Variants in STK32B observed in about 807,000 individuals in gnomAD.
STK32B encodes the protein serine/threonine-protein kinase 32B.
A neutral mutation model predicts 52.6 loss-of-function variants in STK32B; 43 were observed. That is an observed-to-expected ratio of 0.82 (90% CI 0.64 to 1.05). The LOEUF is 1.05. Among genes scored for constraint, STK32B ranks in the 50% least tolerant of loss-of-function variants. The pLI is 0.00. For missense variants in STK32B, 621 were observed against 534.6 expected, an observed-to-expected ratio of 1.16 and a Z score of -1.59; for synonymous variants, 238 against 204.3, an observed-to-expected ratio of 1.17 and a Z score of -1.41.
intron 3 of STK32B, among the ~76,000 whole-genome samples, chr4:5,297,612 T>C (rs1729286532): frequency 6.6e-6 from 1 of 151,408 alleles, no homozygotes; most frequent in Admixed American, 6.6e-5. Context: ...TGCTGTGTTT[T>C]TCAGCTCTGT....
chr4:5,239,988 T>C (rs1171171201), intron 3 of STK32B, among the ~76,000 whole-genome samples: 2 of 152,114 alleles, frequency 1.3e-5, no homozygotes, highest in Admixed American at 1.3e-4. Flanking sequence ...AAATTAACTG[T>C]ACCTGACTAT....
chr4:5,315,623 G>C (rs1043278418), intron 3 of STK32B, among the ~76,000 whole-genome samples: 2 of 151,572 alleles, frequency 1.3e-5, no homozygotes, highest in Non-Finnish European at 2.9e-5. Flanking sequence ...GGAAAGAGTA[G>C]ATGAAGGAAG....
In STK32B at chr4:5,399,123, A is replaced by T. The variant is rs1413329977; in HGVS notation, c.472+879A>T. Reference sequence around the variant, plus strand: ...TGACAATCAATTGTGGCTGATGCCAACAGGAGACTTACAGCCTTCAAAACT... The same window carrying T: ...TGACAATCAATTGTGGCTGATGCCATCAGGAGACTTACAGCCTTCAAAACT... On this transcript the variant is annotated intron_variant, in intron 5 of 11. Coordinates refer to ENST00000282908, the MANE Select transcript of STK32B (RefSeq NM_018401.3). This position sits in a 1 kb window ranked among gnomAD's most constrained non-coding sequence, Gnocchi z 5.4. 6.6e-6 allele frequency among the ~76,000 whole-genome samples: 1 copy of T among 152,222 alleles called. No homozygotes were observed. Among genetic ancestry groups the T allele is most frequent in the Non-Finnish European group, 1.5e-5 (1 of 68,050 alleles).
At chr4:5,447,271 C>G (rs992994546) in intron 7 of STK32B, 1 of 153,480 alleles carries the variant, frequency 6.5e-6, no homozygotes, top group African/African-American at 2.4e-5. Context: ...AATTTACAAG[C>G]TGAAGATGAT....
intron 3 of STK32B, among the ~76,000 whole-genome samples, chr4:5,260,966 G>C (rs913467511): frequency 1.4e-4 from 22 of 152,220 alleles, no homozygotes; most frequent in African/African-American, 4.3e-4. Flanking sequence ...TGAGGTGAGA[G>C]GGCCAGGCCT....
At chr4:5,187,713 A>C (rs1720858786) in intron 3 of STK32B, among the ~76,000 whole-genome samples, 1 of 152,192 alleles carries the variant, frequency 6.6e-6, no homozygotes, top group African/African-American at 2.4e-5. Context: ...GGTGTCAGCC[A>C]GCCTGCAACA....
intron 3 of STK32B, among the ~76,000 whole-genome samples, chr4:5,260,759 G>A (rs1726658756): frequency 6.6e-6 from 1 of 152,166 alleles, no homozygotes; most frequent in South Asian, 2.1e-4. Flanking sequence ...ACTCTGACAT[G>A]GAAGTTAGCA....
At chr4:5,180,727 C>CT (rs1414900553) in intron 3 of STK32B, among the ~76,000 whole-genome samples, 3 of 152,168 alleles carry the variant, frequency 2.0e-5, no homozygotes, top group Non-Finnish European at 4.4e-5. Context: ...TTATTGCAGC[C>CT]TTGGAAACCC....
chr4:5,177,378 T>G (rs748006032), intron 3 of STK32B, among the ~76,000 whole-genome samples: 4 of 152,178 alleles, frequency 2.6e-5, no homozygotes, highest in Non-Finnish European at 5.9e-5. Flanking sequence ...CCTCATGATT[T>G]AATTGCCTCC....
intron 3 of STK32B, among the ~76,000 whole-genome samples, chr4:5,254,293 G>C (rs1246531326): frequency 1.3e-5 from 2 of 151,528 alleles, no homozygotes; most frequent in Non-Finnish European, 2.9e-5. Context: ...TTCTTTATCA[G>C]TGTTACTGTG....
chr4:5,055,925 G>T (rs945347718), intron 1 of STK32B, among the ~76,000 whole-genome samples: 1 of 151,442 alleles, frequency 6.6e-6, no homozygotes, highest in African/African-American at 2.4e-5. Context: ...TTATTTTCTT[G>T]GTTATTGTCT....
rs369572115 is a variant in STK32B, at chr4:5,460,130, G to A, written c.811G>A (p.Val271Met). The change falls in exon 9 of 12, where the codon GTG becomes ATG. Residue 271 changes from valine to methionine, a missense_variant. Physicochemically the swap from Val to Met is conservative, Grantham distance 21. Transcript: ENST00000282908. The surrounding 1 kb of genome is among the most constrained non-coding windows in gnomAD (Gnocchi z 4.8). ...KLLTKDPESR[V>M]SSLHDIQSVP... Reference sequence around the variant, plus strand: ...CCTGACCAAGGATCCTGAGAGCCGCGTGTCCAGCCTTCATGACATACAGAG... The same window carrying A: ...CCTGACCAAGGATCCTGAGAGCCGCATGTCCAGCCTTCATGACATACAGAG... 3.3e-5 allele frequency: 54 copies of A among 1,614,086 alleles called. 1 individual carries two copies. Among genetic ancestry groups the A allele is most frequent in the South Asian group, 1.6e-4 (15 of 91,086 alleles).
chr4:5,458,343 AG>A (rs1359883641), intron 8 of STK32B, among the ~76,000 whole-genome samples: 1 of 152,200 alleles, frequency 6.6e-6, no homozygotes, highest in Non-Finnish European at 1.5e-5. Flanking sequence ...TGATGACAAT[AG>A]CAGCCAGCAC....
chr4:5,425,416 A>T (rs1404733668), intron 6 of STK32B, among the ~76,000 whole-genome samples: 1 of 152,198 alleles, frequency 6.6e-6, no homozygotes, highest in African/African-American at 2.4e-5. Context: ...ATTTGGCCCT[A>T]GGTCAGTGAG....
At chr4:5,419,346 C>A (rs1376484349) in intron 6 of STK32B, among the ~76,000 whole-genome samples, 3 of 152,272 alleles carry the variant, frequency 2.0e-5, no homozygotes, top group East Asian at 3.9e-4. Context: ...TGTAGGGTCT[C>A]TGTCCTGAGG....
intron 3 of STK32B, among the ~76,000 whole-genome samples, chr4:5,313,082 T>A (rs1367553501): frequency 1.3e-5 from 2 of 149,666 alleles, no homozygotes; most frequent in South Asian, 4.2e-4. Flanking sequence ...AAAAATATTA[T>A]TAGGTTGGAG....
chr4:5,253,401 GTCTGAC>G (rs1383010722), intron 3 of STK32B, among the ~76,000 whole-genome samples: 3 of 152,036 alleles, frequency 2.0e-5, no homozygotes, highest in Non-Finnish European at 1.5e-5. Flanking sequence ...TTTAGACAGG[GTCTGAC>G]TCTGTCACCC....
chr4:5,102,798 C>T (rs1196488313), intron 1 of STK32B, among the ~76,000 whole-genome samples: 1 of 150,524 alleles, frequency 6.6e-6, no homozygotes, highest in African/African-American at 2.4e-5. Context: ...CCACCTCAGC[C>T]TCCCAAAGTG....
intron 6 of STK32B, among the ~76,000 whole-genome samples, chr4:5,420,783 T>C (rs1444775837): frequency 2.6e-5 from 4 of 152,212 alleles, no homozygotes; most frequent in Non-Finnish European, 1.5e-5. Context: ...AGAAGCCTCC[T>C]CTGTATTCCT....
Sources: gnomAD v4.1 joint callset for allele counts (sites outside exome capture counted in the v4.1 genomes callset) on GRCh38, gnomAD v4.1.1 for gene constraint, Gnocchi (gnomAD v3.1) non-coding constraint, MANE v1.5 for transcripts, NCBI Gene and HGNC (gene_info 2026-07-23, HGNC 2026-07-21) for gene names.